The following C6orf52 variants were observed in gnomAD, a reference collection of about 807,000 sequenced individuals.
The protein encoded by C6orf52 is chromosome 6 open reading frame 52.
In C6orf52, 16 loss-of-function variants were observed where a neutral mutation model predicts 16.6. That is an observed-to-expected ratio of 0.96 (90% confidence interval 0.65 to 1.46). The LOEUF is 1.46. C6orf52 is among the 40% of genes most tolerant of loss of function. C6orf52 has a pLI of 0.00. For synonymous variants in C6orf52, 53 were observed against 61.4 expected, an observed-to-expected ratio of 0.86 and a Z score of 0.64; for missense variants, 166 against 182.3, an observed-to-expected ratio of 0.91 and a Z score of 0.52.
chr6:10,676,702 C>T (rs1382020219), intron 4 of C6orf52, among the ~76,000 whole-genome samples: 4 of 152,220 alleles, frequency 2.6e-5, no homozygotes, highest in Admixed American at 2.6e-4. Flanking sequence ...AAATCAGACA[C>T]CGCCTCCTCA....
intron 1 of C6orf52, among the ~76,000 whole-genome samples, chr6:10,689,997 T>G (rs1231430462): frequency 6.6e-6 from 1 of 152,242 alleles, no homozygotes; most frequent in Non-Finnish European, 1.5e-5. Context: ...AGGACTGACT[T>G]TATTTTACAC....
intron 1 of C6orf52, among the ~76,000 whole-genome samples, chr6:10,690,422 G>C (rs1451011755): frequency 6.6e-6 from 1 of 152,112 alleles, no homozygotes; most frequent in East Asian, 1.9e-4. Context: ...AAAACCCCCA[G>C]GAATACATTC....
Position 10,694,329 on chromosome 6 carries a change from C to T in C6orf52, c.-12+165G>A, listed in dbSNP as rs73721359. On this transcript the variant is annotated intron_variant, in intron 1 of 4. Transcript: ENST00000259983. Reference sequence around the variant, plus strand: ...GGAGGTGCCGCAACCTTGGCCAATACAGCCCCAGAGTTAGACAAGCAGACA... The same window carrying T: ...GGAGGTGCCGCAACCTTGGCCAATATAGCCCCAGAGTTAGACAAGCAGACA... Among the ~76,000 whole-genome samples, 231 of 151,426 alleles carry T rather than the reference C, an allele frequency of 1.5e-3. 1 individual carries two copies. The highest frequency in any genetic ancestry group is 4.3e-3 in the African/African-American group (175 of 41,158).
chr6:10,693,299 G>C (rs10946708), intron 1 of C6orf52, among the ~76,000 whole-genome samples: 1 of 152,182 alleles, frequency 6.6e-6, no homozygotes, highest in African/African-American at 2.4e-5. Context: ...ATCTGCAATT[G>C]AGCACCCTTT....
rs1231048621 is a variant in C6orf52, at chr6:10,687,247, T to G, written c.72-83A>C. On this transcript the variant is annotated intron_variant, in intron 2 of 4. Coordinates refer to ENST00000259983, the MANE Select transcript of C6orf52 (RefSeq NM_001145020.3). ...TTTCTTCTTTCCAGGAAGTTTGCAG[T>G]AAGCTGAACACCTATGTTCAAAGCC... 3 of 1,016,262 alleles carry G rather than the reference T, an allele frequency of 3.0e-6. No homozygotes were observed. The African/African-American group carries it at 4.9e-5, about 17-fold the overall frequency. 63.0% of individuals were successfully genotyped at this position (1,016,262 alleles called of 1,614,324 possible).
At chr6:10,691,381 G>C (rs1028622665) in intron 1 of C6orf52, among the ~76,000 whole-genome samples, 3 of 151,990 alleles carry the variant, frequency 2.0e-5, no homozygotes, top group African/African-American at 7.3e-5. Flanking sequence ...TGAGAGGGTC[G>C]TGATTGACTG....
At chr6:10,676,848 C>G (rs1389279025) in intron 4 of C6orf52, among the ~76,000 whole-genome samples, 1 of 152,226 alleles carries the variant, frequency 6.6e-6, no homozygotes, top group African/African-American at 2.4e-5. Flanking sequence ...AACCCACCCA[C>G]ATGTGTCCAT....
At chr6:10,682,651 T>C (rs921409038) in intron 4 of C6orf52, among the ~76,000 whole-genome samples, 4 of 152,214 alleles carry the variant, frequency 2.6e-5, no homozygotes, top group African/African-American at 9.6e-5. Context: ...TATTTTTCTT[T>C]CCCATTACTT....
chr6:10,673,145 C>T (rs1003552945), intron 4 of C6orf52, among the ~76,000 whole-genome samples: 2 of 152,198 alleles, frequency 1.3e-5, no homozygotes, highest in Admixed American at 6.5e-5. Context: ...CTTCTGTCCC[C>T]GGTTCCCTTC....
chr6:10,679,991 G>GC (rs1768234381), intron 4 of C6orf52, among the ~76,000 whole-genome samples: 1 of 152,204 alleles, frequency 6.6e-6, no homozygotes, highest in Non-Finnish European at 1.5e-5. Context: ...AGTTGCTCAT[G>GC]CCCGTAATCC....
intron 4 of C6orf52, among the ~76,000 whole-genome samples, chr6:10,676,669 T>C (rs546813145): frequency 6.6e-6 from 1 of 152,320 alleles, no homozygotes; most frequent in East Asian, 1.9e-4. Context: ...TCACACCTGG[T>C]CTAGCCAATC....
chr6:10,687,649 G>C, intron 1 of C6orf52, 88 bp from the exon 2 acceptor site: 1 of 760,532 alleles, frequency 1.3e-6, no homozygotes, highest in Non-Finnish European at 2.3e-6. Flanking sequence ...TGACAAATAA[G>C]TCTCGCAACT....
Position 10,694,598 on chromosome 6 carries a change from AAG to A in C6orf52, c.-118_-117del. Reference sequence around the variant, plus strand: ...GCACGCTGCCGGCGCTACAGCCCCTAAGCAACCGGCCGGAAGTCGGCCCCACC... The same window carrying A: ...GCACGCTGCCGGCGCTACAGCCCCTACAACCGGCCGGAAGTCGGCCCCACC... On this transcript the variant is annotated 5_prime_UTR_variant, in exon 1 of 5. Transcript: ENST00000259983. 5.8e-6 allele frequency: 1 copy of A among 172,164 alleles called. No homozygotes were observed. Among genetic ancestry groups the A allele is most frequent in the South Asian group, 1.2e-4 (1 of 8,516 alleles). The allele number at this position is 172,164 out of a possible 1,614,324, so 10.7% of individuals were successfully genotyped here. A position where few individuals can be genotyped will look rare whatever the true frequency, so the allele number is the denominator to read the frequency against.
intron 1 of C6orf52, among the ~76,000 whole-genome samples, chr6:10,691,859 C>G (rs1769343463): frequency 6.6e-6 from 1 of 151,832 alleles, no homozygotes; most frequent in Non-Finnish European, 1.5e-5. Context: ...TAAAGTAAAA[C>G]CACTTTGAGT....
intron 1 of C6orf52, among the ~76,000 whole-genome samples, chr6:10,689,832 A>G (rs766388526): frequency 6.6e-6 from 1 of 152,234 alleles, no homozygotes; most frequent in Non-Finnish European, 1.5e-5. Context: ...TTCCACTAGC[A>G]CTAGACTGGC....
At chr6:10,681,801 G>A (rs1008379669) in intron 4 of C6orf52, among the ~76,000 whole-genome samples, 38 of 152,334 alleles carry the variant, frequency 2.5e-4, no homozygotes, top group East Asian at 2.3e-3. Context: ...AGAGGCATGG[G>A]ACAGCCAAAT....
intron 3 of C6orf52, among the ~76,000 whole-genome samples, chr6:10,685,197 C>T (rs1320719838): frequency 1.3e-5 from 2 of 148,836 alleles, no homozygotes; most frequent in East Asian, 3.9e-4. Context: ...AGGGTAACCA[C>T]CAAAAGACAG....
chr6:10,687,292 A>G lies in C6orf52; in HGVS notation c.72-128T>C. 5 of 797,362 alleles carry G rather than the reference A, an allele frequency of 6.3e-6. No homozygotes were observed. In the South Asian group the frequency reaches 8.2e-5, roughly 13 times the overall value. The allele number at this position is 797,362 out of a possible 1,614,324, so 49.4% of individuals were successfully genotyped here. A position where few individuals can be genotyped will look rare whatever the true frequency, so the allele number is the denominator to read the frequency against. On this transcript the variant is annotated intron_variant, in intron 2 of 4. Coordinates refer to ENST00000259983, the MANE Select transcript of C6orf52 (RefSeq NM_001145020.3). The stretch of plus-strand genomic sequence containing the variant: ...AAAGCCATAGTTTGATACCTAATGT[A>G]GATGACGGGTTGATGGGTGCAGCAA...
At chr6:10,691,839 T>C in intron 1 of C6orf52, among the ~76,000 whole-genome samples, 1 of 152,140 alleles carries the variant, frequency 6.6e-6, no homozygotes, top group East Asian at 1.9e-4. Context: ...TTGGGGTTTT[T>C]TTTTCTTTTT....
Sources: allele counts gnomAD v4.1 joint callset (sites outside exome capture counted in the v4.1 genomes callset), GRCh38; gene constraint gnomAD v4.1.1; transcripts MANE v1.5; gene names NCBI Gene and HGNC (gene_info 2026-07-23, HGNC 2026-07-21).